VPS13D: variants seen among roughly 807,000 people sequenced by gnomAD.
The protein encoded by VPS13D is vacuolar protein sorting 13 homolog D, also known as intermembrane lipid transfer protein VPS13D.
VPS13D carries 187 observed loss-of-function variants against 461.9 expected under a neutral mutation model. The observed-to-expected ratio is 0.40, with a 90% confidence interval of 0.36 to 0.46. The LOEUF is 0.46. Among genes scored for constraint, VPS13D ranks in the 20% least tolerant of loss-of-function variants. The probability of loss-of-function intolerance (pLI) is 0.60; values close to 1 mark genes in which losing one functional copy is unlikely to be tolerated. For missense variants in VPS13D, 4,711 were observed against 5,364.9 expected (o/e 0.88, Z 3.81); for synonymous variants, 1,951 against 1,986.3 (o/e 0.98, Z 0.47).
chr1:12,497,357 C>A (rs1233280513), intron 67 of VPS13D, 143 bp from the exon 68 acceptor site: 2 of 923,340 alleles, frequency 2.2e-6, no homozygotes, highest in Non-Finnish European at 3.0e-6. Flanking sequence ...ATGGTGTATT[C>A]ACAGGCAGTA....
rs764613102 is a variant in VPS13D, at chr1:12,378,490, C to A, written c.10980C>A (p.Gly3660=). The change falls in exon 56 of 70, where the codon GGC becomes GGA. Residue 3660 remains glycine, a synonymous_variant. Transcript: ENST00000620676. ...GAACAGGAATGCTGGCCCATGAGGG[C>A]TCCTCAGTTCCTCACAATCCCAATA... ...MTGTGMLAHE[G]SSVPHNPNKP... 1 of 1,612,578 alleles carries A rather than the reference C, an allele frequency of 6.2e-7. No homozygotes were observed. Among genetic ancestry groups the A allele is most frequent in the Non-Finnish European group, 8.5e-7 (1 of 1,179,376 alleles).
intron 32 of VPS13D, 127 bp downstream of exon 32, chr1:12,319,757 CTT>C (rs1203389911): frequency 7.4e-6 from 10 of 1,360,078 alleles, no homozygotes; most frequent in Non-Finnish European, 1.0e-5. Flanking sequence ...CCCTTGCCCT[CTT>C]TTCCTCTTTG....
chr1:12,275,516 A>T (rs1389855977), intron 18 of VPS13D, among the ~76,000 whole-genome samples: 1 of 152,166 alleles, frequency 6.6e-6, no homozygotes, highest in Non-Finnish European at 1.5e-5. Flanking sequence ...TGGTGAAAGC[A>T]GCTCACGCCC....
At chr1:12,272,160 G>C (rs1641462344) in intron 17 of VPS13D, among the ~76,000 whole-genome samples, 1 of 152,198 alleles carries the variant, frequency 6.6e-6, no homozygotes, top group Non-Finnish European at 1.5e-5. Context: ...CCTCTAGCCT[G>C]GGTGACAGAG....
chr1:12,349,990 A>C (rs1643760632), intron 46 of VPS13D, among the ~76,000 whole-genome samples: 1 of 152,214 alleles, frequency 6.6e-6, no homozygotes, highest in African/African-American at 2.4e-5. Flanking sequence ...CATTTAGTCT[A>C]AACTTAGAGA....
Position 12,509,304 on chromosome 1 carries a change from C to A in VPS13D, c.*280C>A. 1 of 374,840 alleles carries A rather than the reference C, an allele frequency of 2.7e-6. No individual in the cohort carries two copies. Among genetic ancestry groups the A allele is most frequent in the Non-Finnish European group, 4.8e-6 (1 of 207,996 alleles). 23.2% of individuals were successfully genotyped at this position (374,840 alleles called of 1,614,324 possible). On this transcript the variant is annotated 3_prime_UTR_variant, in exon 70 of 70. Transcript: ENST00000620676. The stretch of plus-strand genomic sequence containing the variant: ...AGATGAATCTAATTTTTAGATTGCC[C>A]TGTATTTTGTTAACATGTATATATG...
chr1:12,299,221 G>A lies in VPS13D; in HGVS notation c.6053G>A (p.Arg2018His), dbSNP rs764624638. ...EGQTVRDQAQ[R>H]CSRVLLDIEA... ...TTTCAGGTGAGAGATCAAGCCCAGCGCTGTTCACGGGTTCTCCTGGATATT... is the reference window on the plus strand; with the variant it reads ...TTTCAGGTGAGAGATCAAGCCCAGCACTGTTCACGGGTTCTCCTGGATATT... The change falls in exon 25 of 70, where the codon CGC becomes CAC. Residue 2018 changes from arginine (R) to histidine (H), a missense_variant. By Grantham distance (29) the Arg-to-His change is conservative. Coordinates refer to ENST00000620676, the MANE Select transcript of VPS13D (RefSeq NM_015378.4). The surrounding 1 kb of genome is among the most constrained non-coding windows in gnomAD (Gnocchi z 4.2). 1.7e-5 allele frequency: 28 copies of A among 1,611,030 alleles called. No individual in the cohort carries two copies. The highest frequency in any genetic ancestry group is 3.3e-5 in the South Asian group (3 of 90,440).
chr1:12,333,866 A>G (rs1643388555), intron 38 of VPS13D, among the ~76,000 whole-genome samples: 1 of 152,214 alleles, frequency 6.6e-6, no homozygotes, highest in Non-Finnish European at 1.5e-5. Flanking sequence ...GCAACACTGA[A>G]ATGTACATCT....
intron 65 of VPS13D, among the ~76,000 whole-genome samples, chr1:12,441,007 C>G (rs912785425): frequency 3.9e-5 from 6 of 152,060 alleles, no homozygotes; most frequent in African/African-American, 1.4e-4. Flanking sequence ...CTCGCTGCAA[C>G]CTCCGCCTCC....
chr1:12,311,512 T>G lies in VPS13D; in HGVS notation c.6709T>G (p.Cys2237Gly), dbSNP rs1476517503. Residue 2237 changes from cysteine (C) to glycine (G), a missense_variant, in exon 28 of 70, where the codon TGC becomes GGC. Physicochemically the swap from Cys to Gly is radical, Grantham distance 159. Coordinates refer to ENST00000620676, the MANE Select transcript of VPS13D (RefSeq NM_015378.4). ...SIHGNLSSVH[C>G]SLDLYKYKLI... The stretch of plus-strand genomic sequence containing the variant: ...CCATGGCAATCTCTCCTCAGTCCAC[T>G]GCTCTCTGGATCTGTATAAATACAA... 1.9e-6 allele frequency: 3 copies of G among 1,614,214 alleles called. No individual in the cohort carries two copies. The highest frequency in any genetic ancestry group is 2.2e-5 in the South Asian group (2 of 91,086).
At chr1:12,338,377 T>C in intron 40 of VPS13D, 72 bp downstream of exon 40, 1 of 1,441,484 alleles carries the variant, frequency 6.9e-7, no homozygotes, top group Non-Finnish European at 9.7e-7. Context: ...CAATTTTTTT[T>C]TTAATGAGTG....
intron 68 of VPS13D, among the ~76,000 whole-genome samples, chr1:12,500,853 G>A (rs1463586702): frequency 6.6e-6 from 1 of 150,484 alleles, no homozygotes; most frequent in East Asian, 2.1e-4. Flanking sequence ...GCTTGAGGCC[G>A]GGAGTTCAAG....
At chr1:12,373,931 C>T in intron 55 of VPS13D, 73 bp downstream of exon 55, 2 of 1,181,764 alleles carry the variant, frequency 1.7e-6, no homozygotes, top group African/African-American at 1.6e-5. Context: ...TCACCCAGTG[C>T]AGAGTCCTTA....
chr1:12,445,127 T>C (rs1645176934), intron 65 of VPS13D, among the ~76,000 whole-genome samples: 1 of 152,158 alleles, frequency 6.6e-6, no homozygotes, highest in Admixed American at 6.5e-5. Flanking sequence ...GTGTGTGAGG[T>C]AGAAAGTAAT....
chr1:12,293,494 T>C, intron 23 of VPS13D, 30 bp from the exon 24 acceptor site: 1 of 1,555,278 alleles, frequency 6.4e-7, no homozygotes, highest in Non-Finnish European at 8.7e-7. Flanking sequence ...CTTGCTGTTA[T>C]CTGAGTCACA....
chr1:12,443,862 T>C (rs1352772893), intron 65 of VPS13D, among the ~76,000 whole-genome samples: 1 of 151,980 alleles, frequency 6.6e-6, no homozygotes, highest in Non-Finnish European at 1.5e-5. Flanking sequence ...TTTTTTTTTT[T>C]CTTGAGATGG....
chr1:12,505,886 C>T lies in VPS13D; in HGVS notation c.12795-967C>T, dbSNP rs540650148. 6.6e-6 allele frequency among the ~76,000 whole-genome samples: 1 copy of T among 152,364 alleles called. No homozygotes were observed. Among genetic ancestry groups the T allele is most frequent in the South Asian group, 2.1e-4 (1 of 4,830 alleles). Reference sequence around the variant, plus strand: ...GCTCCCCTCGACAGGCAGGCCACCTCCTGCCCCCAGGCTTCTGCCCCCTTC... The same window carrying T: ...GCTCCCCTCGACAGGCAGGCCACCTTCTGCCCCCAGGCTTCTGCCCCCTTC... On this transcript the variant is annotated intron_variant, in intron 68 of 69. Transcript: ENST00000620676. This position sits in a 1 kb window ranked among gnomAD's most constrained non-coding sequence, Gnocchi z 4.2.
At chr1:12,471,346 G>A (rs1445520864) in intron 67 of VPS13D, among the ~76,000 whole-genome samples, 13 of 152,118 alleles carry the variant, frequency 8.5e-5, no homozygotes, top group Non-Finnish European at 1.9e-4. Context: ...ATTTTTACCT[G>A]AATTATTTTG....
intron 67 of VPS13D, among the ~76,000 whole-genome samples, chr1:12,466,446 ATTTC>A (rs1285531357): frequency 1.6e-4 from 25 of 152,296 alleles, no homozygotes; most frequent in African/African-American, 5.5e-4. Flanking sequence ...CAAGTCCAAT[ATTTC>A]TTTCAGAGTT....
Sources: gnomAD v4.1 joint callset for allele counts (sites outside exome capture counted in the v4.1 genomes callset) on GRCh38, gnomAD v4.1.1 for gene constraint, Gnocchi (gnomAD v3.1) non-coding constraint, MANE v1.5 for transcripts, NCBI Gene and HGNC (gene_info 2026-07-23, HGNC 2026-07-21) for gene names.